The following EPHA5 variants were observed in gnomAD, a reference collection of about 807,000 sequenced individuals.
The protein encoded by EPHA5 is ephrin type-A receptor 5.
In EPHA5, 60 loss-of-function variants were observed where a neutral mutation model predicts 105.0. That is an observed-to-expected ratio of 0.57 (90% CI 0.46 to 0.71). EPHA5 has a LOEUF of 0.71. Among genes scored for constraint, EPHA5 ranks in the 30% least tolerant of loss-of-function variants. The pLI, the probability that EPHA5 is intolerant of heterozygous loss-of-function variation, is 0.00. For missense variants in EPHA5, 1,218 were observed against 1,274.7 expected (o/e 0.96, Z 0.68); for synonymous variants, 513 against 449.1 (o/e 1.14, Z -1.80).
chr4:65,427,799 A>T (rs1724589233), intron 5 of EPHA5, among the ~76,000 whole-genome samples: 3 of 152,290 alleles, frequency 2.0e-5, no homozygotes, highest in Admixed American at 2.0e-4. Flanking sequence ...TAGTGAATAC[A>T]TCTTTGATTT....
rs1745105053 is a variant in EPHA5, at chr4:65,615,035, A to G, written c.247-12731T>C. 2.0e-5 allele frequency among the ~76,000 whole-genome samples: 3 copies of G among 151,888 alleles called. No homozygotes were observed. In the South Asian group the frequency reaches 6.2e-4, roughly 31 times the overall value. ...TGTAAAATTTATAAAACAGCAAAAT[A>G]TACTTTACAAAGAATGCAATTATGC... On this transcript the variant is annotated intron_variant, in intron 2 of 16. Coordinates refer to ENST00000613740, the MANE Select transcript of EPHA5 (RefSeq NM_001281766.3).
intron 3 of EPHA5, among the ~76,000 whole-genome samples, chr4:65,576,575 G>C (rs1429910305): frequency 1.3e-5 from 2 of 152,170 alleles, no homozygotes; most frequent in African/African-American, 2.4e-5. Flanking sequence ...CTTTAGAATG[G>C]ATAGTGCCTG....
At chr4:65,649,687 T>C (rs1414463486) in intron 1 of EPHA5, among the ~76,000 whole-genome samples, 2 of 152,168 alleles carry the variant, frequency 1.3e-5, no homozygotes, top group East Asian at 1.9e-4. Flanking sequence ...ACCTAATCCA[T>C]TATAATCTGG....
chr4:65,395,840 A>G (rs1721174113), intron 8 of EPHA5, among the ~76,000 whole-genome samples: 1 of 152,256 alleles, frequency 6.6e-6, no homozygotes, highest in Admixed American at 6.5e-5. Flanking sequence ...ACATATAAAT[A>G]GCCTTAAAAT....
At chr4:65,653,594 A>G (rs1578698501) in intron 1 of EPHA5, among the ~76,000 whole-genome samples, 1 of 152,180 alleles carries the variant, frequency 6.6e-6, no homozygotes, top group East Asian at 1.9e-4. Flanking sequence ...AATGGTTTAT[A>G]TATCTTAACT....
At chr4:65,448,323 G>T (rs961487853) in intron 5 of EPHA5, among the ~76,000 whole-genome samples, 4 of 151,742 alleles carry the variant, frequency 2.6e-5, no homozygotes, top group African/African-American at 9.7e-5. Flanking sequence ...TTATGACATT[G>T]TAATTATTAT....
At position 65,390,772 on chromosome 4, in the gene EPHA5, A is replaced by G. The variant is rs137880830; in HGVS notation, c.1793+13602T>C. Among the ~76,000 whole-genome samples, 256 of 152,262 alleles carry G rather than the reference A, an allele frequency of 1.7e-3. 2 individuals carry two copies. Among genetic ancestry groups the G allele is most frequent in the African/African-American group, 5.8e-3 (241 of 41,580 alleles). Reference sequence around the variant, plus strand: ...ACACAGTGTGACGATGAAAGCAGACATAACTAATATTTAATACATAAAAGT... The same window carrying G: ...ACACAGTGTGACGATGAAAGCAGACGTAACTAATATTTAATACATAAAAGT... On this transcript the variant is annotated intron_variant, in intron 8 of 16. Coordinates refer to ENST00000613740, the MANE Select transcript of EPHA5 (RefSeq NM_001281766.3).
intron 3 of EPHA5, among the ~76,000 whole-genome samples, chr4:65,501,494 C>T (rs1490400448): frequency 6.6e-6 from 1 of 151,398 alleles, no homozygotes; most frequent in East Asian, 1.9e-4. Flanking sequence ...TCGAGAATGC[C>T]CCATTCACAA....
intron 14 of EPHA5, among the ~76,000 whole-genome samples, chr4:65,345,325 G>A (rs1722110663): frequency 6.6e-6 from 1 of 152,222 alleles, no homozygotes; most frequent in Non-Finnish European, 1.5e-5. Context: ...TGTGCTTGCT[G>A]AGAAGCAGAA....
At chr4:65,463,995 C>T (rs528848537) in intron 5 of EPHA5, among the ~76,000 whole-genome samples, 8 of 151,612 alleles carry the variant, frequency 5.3e-5, no homozygotes, top group African/African-American at 1.9e-4. Flanking sequence ...TTCTATTTGT[C>T]CTACACTAAA....
At chr4:65,530,615 C>T (rs929795513) in intron 3 of EPHA5, among the ~76,000 whole-genome samples, 4 of 152,110 alleles carry the variant, frequency 2.6e-5, no homozygotes, top group Admixed American at 2.6e-4. Flanking sequence ...AGCATCATAG[C>T]TTATGTGGAT....
intron 15 of EPHA5, among the ~76,000 whole-genome samples, chr4:65,334,055 C>A (rs553114248): frequency 6.6e-6 from 1 of 151,926 alleles, no homozygotes; most frequent in South Asian, 2.1e-4. Flanking sequence ...CATGTCTCGC[C>A]TGCACAATCT....
At chr4:65,539,197 C>A (rs1413639064) in intron 3 of EPHA5, among the ~76,000 whole-genome samples, 1 of 151,608 alleles carries the variant, frequency 6.6e-6, no homozygotes, top group Non-Finnish European at 1.5e-5. Context: ...TGCCTTGGAA[C>A]TGAGATGTCC....
At chr4:65,646,293 G>A (rs751964087) in intron 1 of EPHA5, among the ~76,000 whole-genome samples, 5 of 152,186 alleles carry the variant, frequency 3.3e-5, no homozygotes, top group East Asian at 1.9e-4. Context: ...TTTGACTCAC[G>A]CCTATGAACC....
intron 5 of EPHA5, among the ~76,000 whole-genome samples, chr4:65,455,690 C>T (rs993261322): frequency 6.6e-6 from 1 of 152,006 alleles, no homozygotes; most frequent in African/African-American, 2.4e-5. Context: ...TATGTAATGA[C>T]AAATGTGACA....
At chr4:65,653,799 T>A (rs906354583) in intron 1 of EPHA5, among the ~76,000 whole-genome samples, 1 of 152,112 alleles carries the variant, frequency 6.6e-6, no homozygotes, top group African/African-American at 2.4e-5. Context: ...TTCTGTGATA[T>A]TGTGGCAGAC....
intron 5 of EPHA5, among the ~76,000 whole-genome samples, chr4:65,479,130 T>C (rs184037948): frequency 1.9e-3 from 287 of 152,344 alleles, no homozygotes; most frequent in African/African-American, 6.6e-3. Flanking sequence ...TCTTAAATAA[T>C]ACTATAGTAA....
intron 15 of EPHA5, among the ~76,000 whole-genome samples, chr4:65,333,917 C>T (rs1720929661): frequency 6.6e-6 from 1 of 151,624 alleles, no homozygotes; most frequent in Non-Finnish European, 1.5e-5. Context: ...AACAGTCCAC[C>T]TCTTCCCTGT....
At chr4:65,450,446 A>G (rs1726956388) in intron 5 of EPHA5, among the ~76,000 whole-genome samples, 1 of 152,152 alleles carries the variant, frequency 6.6e-6, no homozygotes, top group Non-Finnish European at 1.5e-5. Flanking sequence ...ACCCAGACAC[A>G]TATGTCAGCA....
Sources: gnomAD v4.1 joint callset for allele counts (sites outside exome capture counted in the v4.1 genomes callset) on GRCh38, gnomAD v4.1.1 for gene constraint, MANE v1.5 for transcripts, NCBI Gene and HGNC (gene_info 2026-07-23, HGNC 2026-07-21) for gene names.